NUP42: variants seen among roughly 807,000 people sequenced by gnomAD.
NUP42 encodes nucleoporin 42.
A neutral mutation model predicts 35.9 loss-of-function variants in NUP42; 47 were observed. The observed-to-expected ratio is 1.31, with a 90% CI of 1.04 to 1.67. NUP42 has a LOEUF of 1.67. NUP42 is among the 40% of genes most tolerant of loss of function. NUP42 has a pLI of 0.00. For synonymous variants in NUP42, 173 were observed against 173.3 expected (o/e 1.00, Z 0.01); for missense variants, 514 against 492.2 (o/e 1.04, Z -0.42).
At chr7:23,182,499 G>A (rs1394204830) in intron 1 of NUP42, 2 of 1,162,768 alleles carry the variant, frequency 1.7e-6, no homozygotes, top group African/African-American at 3.1e-5. Flanking sequence ...GGTAAATGCC[G>A]GAATTGAATA....
At position 23,200,282 on chromosome 7, in the gene NUP42, C is replaced by T. The variant is rs1298525579; in HGVS notation, c.809C>T (p.Ala270Val). The stretch of plus-strand genomic sequence containing the variant: ...CCTGCTGGTTTTGGGAGTTCCCCAG[C>T]ATTTGGAGCTGCAGCCTCTACCAGT... ...GSPAGFGSSP[A>V]FGAAASTSSG... The change falls in exon 7 of 7, where the codon GCA becomes GTA. Residue 270 changes from alanine (A) to valine (V), a missense_variant. Ala to Val is a moderately conservative substitution (Grantham distance 64, BLOSUM62 0). Coordinates refer to ENST00000258742, the MANE Select transcript of NUP42 (RefSeq NM_007342.3). 6.2e-7 allele frequency: 1 copy of T among 1,603,126 alleles called. No homozygotes were observed. Among genetic ancestry groups the T allele is most frequent in the South Asian group, 1.1e-5 (1 of 89,696 alleles).
At position 23,200,812 on chromosome 7, in the gene NUP42, T is replaced by C. The variant is rs1786201898; in HGVS notation, c.*67T>C. On this transcript the variant is annotated 3_prime_UTR_variant, in exon 7 of 7. Transcript: ENST00000258742. ...GCTTTGAGTGATTCATACAGAGATG[T>C]ATATATGCATACATGTATATATTCA... 1 of 905,898 alleles carries C rather than the reference T, an allele frequency of 1.1e-6. No homozygotes were observed. The highest frequency in any genetic ancestry group is 2.5e-5 in the East Asian group (1 of 40,192). The allele number at this position is 905,898 out of a possible 1,614,324, so 56.1% of individuals were successfully genotyped here.
At chr7:23,187,293 C>A in intron 3 of NUP42, 147 bp downstream of exon 3, 1 of 557,566 alleles carries the variant, frequency 1.8e-6, no homozygotes. Flanking sequence ...GTATTCTAGC[C>A]AAACTTCATA....
At chr7:23,195,721 C>G (rs1785988748) in intron 3 of NUP42, 118 bp from the exon 4 acceptor site, 1 of 639,690 alleles carries the variant, frequency 1.6e-6, no homozygotes, top group Middle Eastern at 4.0e-4. Context: ...AAGTTTCTTC[C>G]TCATGGTTAT....
Position 23,200,382 on chromosome 7 carries a change from C to G in NUP42, c.909C>G (p.Phe303Leu), listed in dbSNP as rs1023964230. ...TCACATCGGCTGCATCATTTTCATT[C>G]AAAAGCCCTGCAGCTTCCAGTTTTG... The part of the protein sequence containing the change: ...PEVTSAASFS[F>L]KSPAASSFGS... The change falls in exon 7 of 7, where the codon TTC becomes TTG. Residue 303 changes from phenylalanine (F) to leucine (L), a missense_variant. Transcript: ENST00000258742. The G allele has an allele frequency of 8.7e-6, 14 of 1,613,952 alleles. No homozygotes were observed. The African/African-American group carries it at 1.9e-4, about 22-fold the overall frequency.
chr7:23,195,045 A>C (rs1237642049), intron 3 of NUP42: 1 of 152,278 alleles, frequency 6.6e-6, no homozygotes, highest in Non-Finnish European at 1.5e-5. Flanking sequence ...AAATATTAGA[A>C]TGAACACCCT....
intron 1 of NUP42, chr7:23,182,569 C>T (rs1785446632): frequency 1.1e-6 from 1 of 943,530 alleles, no homozygotes; most frequent in South Asian, 4.1e-5. Flanking sequence ...AGAATCAGGA[C>T]TTCATTTTGG....
chr7:23,190,795 T>C (rs1583766639), intron 3 of NUP42, among the ~76,000 whole-genome samples: 1 of 151,890 alleles, frequency 6.6e-6, no homozygotes, highest in African/African-American at 2.4e-5. Context: ...TAATAAAAAA[T>C]AAAAATAAAA....
At chr7:23,186,905 T>C in intron 2 of NUP42, 147 bp from the exon 3 acceptor site, 3 of 573,120 alleles carry the variant, frequency 5.2e-6, no homozygotes, top group Non-Finnish European at 9.1e-6. Context: ...TTCTATAAAC[T>C]TGTGCTTTAA....
intron 3 of NUP42, among the ~76,000 whole-genome samples, chr7:23,193,865 C>G (rs998661365): frequency 2.0e-5 from 3 of 152,346 alleles, no homozygotes; most frequent in South Asian, 4.1e-4. Context: ...CTGCAGGTCC[C>G]GAGCCCTGCC....
intron 2 of NUP42, 51 bp downstream of exon 2, chr7:23,185,349 A>G (rs775161154): frequency 1.2e-5 from 15 of 1,210,044 alleles, no homozygotes; most frequent in Non-Finnish European, 1.7e-5. Context: ...ATGTTTTTTC[A>G]CCTACAATCT....
At chr7:23,191,824 A>G (rs1238782679) in intron 3 of NUP42, among the ~76,000 whole-genome samples, 1 of 152,064 alleles carries the variant, frequency 6.6e-6, no homozygotes, top group Non-Finnish European at 1.5e-5. Context: ...TGTCTCTACC[A>G]GGGTGTGGTG....
intron 3 of NUP42, among the ~76,000 whole-genome samples, chr7:23,190,318 C>A (rs1038231701): frequency 6.6e-6 from 1 of 152,174 alleles, no homozygotes; most frequent in Non-Finnish European, 1.5e-5. Flanking sequence ...ATGTAAGAAT[C>A]CAGCAGTCTT....
At chr7:23,182,275 C>G (rs903785057) in intron 1 of NUP42, 69 bp downstream of exon 1, 52 of 1,534,550 alleles carry the variant, frequency 3.4e-5, no homozygotes, top group Non-Finnish European at 4.5e-5. Context: ...CCGGGCGTCC[C>G]GCGTGTTTCC....
Position 23,183,778 on chromosome 7 carries a change from AG to A in NUP42, c.122-1290del, listed in dbSNP as rs750926800. Among the ~76,000 whole-genome samples the A allele has an allele frequency of 3.7e-3, 537 of 146,536 alleles. 2 individuals carry two copies. The highest frequency in any genetic ancestry group is 7.1e-3 in the Non-Finnish European group (467 of 66,088). ...GTAAAAAAAAAAAAAAAAAAAAAAA[AG>A]GAGGAAGTGAGTTTCTTCAGTTGTA... On this transcript the variant is annotated intron_variant, in intron 1 of 6. Coordinates refer to ENST00000258742, the MANE Select transcript of NUP42 (RefSeq NM_007342.3).
intron 1 of NUP42, among the ~76,000 whole-genome samples, chr7:23,183,110 G>T (rs1785472800): frequency 6.6e-6 from 1 of 152,196 alleles, no homozygotes; most frequent in East Asian, 1.9e-4. Flanking sequence ...CATTGTCAAA[G>T]CTTTTTATCT....
chr7:23,193,943 A>T (rs569075039), intron 3 of NUP42, among the ~76,000 whole-genome samples: 59 of 152,256 alleles, frequency 3.9e-4, no homozygotes, highest in African/African-American at 1.3e-3. Context: ...ACTGCTGAGG[A>T]CCCAGCACAC....
At chr7:23,191,303 G>A (rs950571611) in intron 3 of NUP42, among the ~76,000 whole-genome samples, 4 of 152,174 alleles carry the variant, frequency 2.6e-5, no homozygotes, top group African/African-American at 9.7e-5. Context: ...GCTGTGTGAG[G>A]GGGGAGAAAG....
chr7:23,187,525 A>G (rs6955115), intron 3 of NUP42: 57,933 of 163,542 alleles, frequency 0.35, 10,712 homozygotes, highest in African/African-American at 0.44. Context: ...CCTTCTAAGA[A>G]TAGTTGTGTT....
Sources: gnomAD v4.1 joint callset for allele counts (sites outside exome capture counted in the v4.1 genomes callset) on GRCh38, gnomAD v4.1.1 for gene constraint, MANE v1.5 for transcripts, NCBI Gene and HGNC (gene_info 2026-07-23, HGNC 2026-07-21) for gene names.